CDH11: variants seen among roughly 807,000 people sequenced by gnomAD.
The protein encoded by CDH11 is cadherin 11.
A neutral mutation model predicts 67.8 loss-of-function variants in CDH11; 11 were observed. The ratio of observed to expected loss-of-function variants is 0.16; its 90% CI spans 0.10 to 0.27. The LOEUF is 0.27. CDH11 is among the 10% of genes least tolerant of loss of function. The pLI, the probability that CDH11 is intolerant of heterozygous loss-of-function variation, is 1.00. For synonymous variants in CDH11, 419 were observed against 400.0 expected (o/e 1.05, Z -0.57); for missense variants, 847 against 1,031.2 (o/e 0.82, Z 2.45).
At chr16:64,995,981 TA>T (rs549372179) in intron 4 of CDH11, among the ~76,000 whole-genome samples, 54 of 152,112 alleles carry the variant, frequency 3.6e-4, no homozygotes, top group African/African-American at 1.3e-3. Context: ...GGCTTACAAA[TA>T]TAAAAAAATT....
chr16:65,043,735 T>A (rs772562015), intron 2 of CDH11, among the ~76,000 whole-genome samples: 4 of 152,182 alleles, frequency 2.6e-5, no homozygotes, highest in Non-Finnish European at 5.9e-5. Context: ...TTTCTTACTG[T>A]TCTTGATGCT....
At chr16:65,073,542 G>A (rs560443433) in intron 1 of CDH11, among the ~76,000 whole-genome samples, 10 of 152,258 alleles carry the variant, frequency 6.6e-5, no homozygotes, top group South Asian at 6.2e-4. Flanking sequence ...TTGGCCTCTC[G>A]AAGTGCTGGG....
At chr16:65,035,742 A>ATT (rs1250884374) in intron 2 of CDH11, among the ~76,000 whole-genome samples, 1 of 152,206 alleles carries the variant, frequency 6.6e-6, no homozygotes, top group African/African-American at 2.4e-5. Flanking sequence ...CAACAAAGGT[A>ATT]AGGGTTATTA....
intron 2 of CDH11, among the ~76,000 whole-genome samples, chr16:65,051,296 G>C (rs1198074028): frequency 6.6e-6 from 1 of 152,162 alleles, no homozygotes; most frequent in Admixed American, 6.5e-5. Context: ...AAACACCTGA[G>C]AAATTATCAG....
rs2071178224 is a variant in CDH11, at chr16:64,945,332, C to CAA, written c.*2269_*2270dup. The CAA allele has an allele frequency of 1.9e-6, 1 of 528,544 alleles. No homozygotes were observed. Among genetic ancestry groups the CAA allele is most frequent in the East Asian group, 7.9e-5 (1 of 12,720 alleles). The allele number at this position is 528,544 out of a possible 1,614,324, so 32.7% of individuals were successfully genotyped here. On this transcript the variant is annotated 3_prime_UTR_variant, in exon 13 of 13. Transcript: ENST00000268603. The stretch of plus-strand genomic sequence containing the variant: ...AAAAAAAAAAAAAGAAAAAGAAAAA[C>CAA]AAGTATTCTTAACTACTGAAAAGTA...
chr16:65,046,141 G>T (rs2073958423), intron 2 of CDH11, among the ~76,000 whole-genome samples: 1 of 152,200 alleles, frequency 6.6e-6, no homozygotes, highest in African/African-American at 2.4e-5. Context: ...CAGGCGCTTT[G>T]ATCTTTCAAA....
At chr16:65,077,234 ATC>A (rs1351038713) in intron 1 of CDH11, among the ~76,000 whole-genome samples, 1 of 152,182 alleles carries the variant, frequency 6.6e-6, no homozygotes, top group Non-Finnish European at 1.5e-5. Flanking sequence ...AAATCACTTG[ATC>A]TCTCTAGATG....
At chr16:65,001,941 T>C (rs1031120602) in intron 3 of CDH11, among the ~76,000 whole-genome samples, 3 of 152,208 alleles carry the variant, frequency 2.0e-5, no homozygotes, top group Non-Finnish European at 2.9e-5. Flanking sequence ...ACAGGCTGTA[T>C]TTCCACAAGA....
chr16:64,978,611 G>A (rs73575990), intron 8 of CDH11, among the ~76,000 whole-genome samples: 22,684 of 152,070 alleles, frequency 0.15, 2,261 homozygotes, highest in East Asian at 0.42. Flanking sequence ...GTAATCAACA[G>A]TACAAAACAA....
At chr16:64,979,207 T>A (rs1421679458) in intron 8 of CDH11, among the ~76,000 whole-genome samples, 1 of 152,184 alleles carries the variant, frequency 6.6e-6, no homozygotes, top group Non-Finnish European at 1.5e-5. Context: ...TCCAGCACTT[T>A]GGAAGGCAGA....
At chr16:65,035,908 T>G (rs1214677558) in intron 2 of CDH11, among the ~76,000 whole-genome samples, 1 of 151,974 alleles carries the variant, frequency 6.6e-6, no homozygotes, top group Non-Finnish European at 1.5e-5. Context: ...TCAGGAAAAA[T>G]ATAGTTTCCA....
intron 1 of CDH11, among the ~76,000 whole-genome samples, chr16:65,078,250 C>CA (rs1255942666): frequency 2.0e-5 from 3 of 152,196 alleles, no homozygotes; most frequent in African/African-American, 7.2e-5. Flanking sequence ...ATTTTGCCCT[C>CA]ACGCTGCTAT....
rs2072012169 is a variant in CDH11, at chr16:64,971,802, AC to A, written c.1525-107del. On this transcript the variant is annotated intron_variant, in intron 10 of 12. Coordinates refer to ENST00000268603, the MANE Select transcript of CDH11 (RefSeq NM_001797.4). ...AGCCTGATTTTAATTAGAGAACATA[AC>A]TTCAGAACAAAACTATGGCTCTGAA... 2.2e-6 allele frequency: 3 copies of A among 1,389,336 alleles called. No individual in the cohort carries two copies. In the South Asian group the frequency reaches 3.6e-5, roughly 17 times the overall value. The allele number at this position is 1,389,336 out of a possible 1,614,324, so 86.1% of individuals were successfully genotyped here.
At chr16:65,006,357 C>T (rs1462316483) in intron 2 of CDH11, among the ~76,000 whole-genome samples, 1 of 152,142 alleles carries the variant, frequency 6.6e-6, no homozygotes, top group African/African-American at 2.4e-5. Context: ...TTGTTGTCTT[C>T]TTTGGGTGAA....
At chr16:65,122,130 GC>G, upstream of CDH11, 4 of 511,042 alleles carry the variant, frequency 7.8e-6, no homozygotes, top group Non-Finnish European at 1.0e-5. Flanking sequence ...GCAGGCGGGT[GC>G]GGGGCGGGGG....
chr16:64,965,476 C>T (rs1305063555), intron 11 of CDH11, among the ~76,000 whole-genome samples: 1 of 152,126 alleles, frequency 6.6e-6, no homozygotes, highest in Admixed American at 6.5e-5. Context: ...AGTCTTCCAC[C>T]TCCACATCTT....
chr16:65,018,835 T>A (rs2073366859), intron 2 of CDH11, among the ~76,000 whole-genome samples: 1 of 152,256 alleles, frequency 6.6e-6, no homozygotes, highest in Admixed American at 6.5e-5. Context: ...CTCATCAAAA[T>A]CCTGTATCTG....
intron 1 of CDH11, among the ~76,000 whole-genome samples, chr16:65,061,743 C>G (rs1169721062): frequency 6.6e-6 from 1 of 152,224 alleles, no homozygotes; most frequent in Non-Finnish European, 1.5e-5. Context: ...CTCAGCATTT[C>G]TCTATCCCCC....
intron 1 of CDH11, among the ~76,000 whole-genome samples, chr16:65,056,082 C>T (rs2074137296): frequency 6.6e-6 from 1 of 152,316 alleles, no homozygotes; most frequent in African/African-American, 2.4e-5. Context: ...GTTTAAACCA[C>T]CCAATCTGTG....
Sources: allele counts gnomAD v4.1 joint callset (sites outside exome capture counted in the v4.1 genomes callset), GRCh38; gene constraint gnomAD v4.1.1; transcripts MANE v1.5; gene names NCBI Gene and HGNC (gene_info 2026-07-23, HGNC 2026-07-21).